Variants in POLR2F observed in about 807,000 individuals in gnomAD.
POLR2F encodes the protein RNA polymerase II, I and III subunit F.
POLR2F carries 12 observed loss-of-function variants against 22.7 expected under a neutral mutation model. The observed-to-expected ratio is 0.53, with a 90% confidence interval of 0.34 to 0.86. The LOEUF (loss-of-function observed/expected upper bound fraction) is 0.86, where lower values mean the gene tolerates loss of function less well. Among genes scored for constraint, POLR2F ranks in the 40% least tolerant of loss-of-function variants. The pLI is 0.02. For synonymous variants in POLR2F, 57 were observed against 66.0 expected, an observed-to-expected ratio of 0.86 and a Z score of 0.66; for missense variants, 126 against 171.5, an observed-to-expected ratio of 0.73 and a Z score of 1.48.
intron 5 of POLR2F, among the ~76,000 whole-genome samples, chr22:38,035,576 C>T (rs1161602381): frequency 3.3e-5 from 5 of 152,230 alleles, no homozygotes; most frequent in African/African-American, 7.2e-5. Flanking sequence ...TCCTGCCCAC[C>T]GGCCTCTCTG....
In POLR2F at chr22:37,968,953, A is replaced by C; in HGVS notation, c.*1238A>C. Reference sequence around the variant, plus strand: ...ATCCACCCTCCTCCAAGCCTGTGGAATCCTTTAATCAAGTTGGGTGCTGAA... The same window carrying C: ...ATCCACCCTCCTCCAAGCCTGTGGACTCCTTTAATCAAGTTGGGTGCTGAA... On this transcript the variant is annotated 3_prime_UTR_variant, in exon 5 of 5. Coordinates refer to ENST00000442738, the MANE Select transcript of POLR2F (RefSeq NM_021974.5). The C allele has an allele frequency of 1.0e-6, 1 of 985,458 alleles. No individual in the cohort carries two copies. Among genetic ancestry groups the C allele is most frequent in the Admixed American group, 6.1e-5 (1 of 16,294 alleles). The allele number at this position is 985,458 out of a possible 1,614,324, so 61.0% of individuals were successfully genotyped here. A position where few individuals can be genotyped will look rare whatever the true frequency, so the allele number is the denominator to read the frequency against.
rs1422088901 is a variant in POLR2F, at chr22:37,968,912, T to G, written c.*1197T>G. 1 of 985,284 alleles carries G rather than the reference T, an allele frequency of 1.0e-6. No individual in the cohort carries two copies. Among genetic ancestry groups the G allele is most frequent in the Non-Finnish European group, 1.2e-6 (1 of 829,912 alleles). The allele number at this position is 985,284 out of a possible 1,614,324, so 61.0% of individuals were successfully genotyped here. A position where few individuals can be genotyped will look rare whatever the true frequency, so the allele number is the denominator to read the frequency against. Reference sequence around the variant, plus strand: ...GGAGAAGGGTTAATTCAGGGAGCAGTGGACTTCACACTCCCATCCACCCTC... The same window carrying G: ...GGAGAAGGGTTAATTCAGGGAGCAGGGGACTTCACACTCCCATCCACCCTC... On this transcript the variant is annotated 3_prime_UTR_variant, in exon 5 of 5. Transcript: ENST00000442738.
intron 1 of POLR2F, among the ~76,000 whole-genome samples, chr22:37,995,965 C>T (rs558383660): frequency 6.6e-6 from 1 of 152,276 alleles, no homozygotes; most frequent in South Asian, 2.1e-4. Context: ...CGTGGCACTG[C>T]ACTCTATCCT....
At chr22:38,026,349 CT>C in exon 3 of POLR2F, 1 of 522,836 alleles carries the variant, frequency 1.9e-6, no homozygotes, top group Admixed American at 2.0e-5. Context: ...GGACCCAGCC[CT>C]TTCTCTGCCA....
downstream of POLR2F, chr22:37,973,436 ACAGGGCACACAGG>A (rs1174007084): frequency 8.7e-7 from 1 of 1,155,342 alleles, no homozygotes; most frequent in Non-Finnish European, 1.2e-6. Context: ...TGGGCAAGGA[ACAGGGCACACAGG>A]CTGGGGGCAG....
chr22:37,960,679 A>ACGTGAGCCAC (rs1018133727), intron 3 of POLR2F, among the ~76,000 whole-genome samples: 4 of 147,982 alleles, frequency 2.7e-5, no homozygotes, highest in African/African-American at 1.0e-4. Flanking sequence ...GGGATTACAG[A>ACGTGAGCCAC]CGTGAGCCAC....
intron 5 of POLR2F, among the ~76,000 whole-genome samples, chr22:38,035,890 G>C (rs1323046116): frequency 6.6e-6 from 1 of 152,154 alleles, no homozygotes; most frequent in Non-Finnish European, 1.5e-5. Flanking sequence ...GCTCCAGGGT[G>C]GGTGTGGTTT....
downstream of POLR2F, chr22:37,971,434 C>T (rs879141548): frequency 2.5e-6 from 1 of 393,478 alleles, no homozygotes; most frequent in Non-Finnish European, 5.2e-6. Context: ...TTCCAACCAT[C>T]GGAGTTGTTC....
chr22:38,002,960 C>T (rs748991027), intron 1 of POLR2F, among the ~76,000 whole-genome samples: 5 of 152,006 alleles, frequency 3.3e-5, no homozygotes, highest in African/African-American at 7.2e-5. Flanking sequence ...CTCCTGACCT[C>T]GTGATCTGCT....
At chr22:38,028,298 C>T (rs943013327), downstream of POLR2F, among the ~76,000 whole-genome samples, 4 of 152,138 alleles carry the variant, frequency 2.6e-5, no homozygotes, top group African/African-American at 7.2e-5. Context: ...TGCTGCACGG[C>T]GATGCTTTAG....
chr22:37,963,600 A>G (rs1022319899), intron 3 of POLR2F, among the ~76,000 whole-genome samples: 3 of 152,348 alleles, frequency 2.0e-5, no homozygotes, highest in South Asian at 2.1e-4. Flanking sequence ...ACTGGTTACC[A>G]TAAAGGATAG....
chr22:38,016,204 C>G lies in POLR2F; in HGVS notation c.121-9665C>G, dbSNP rs1284956025. On this transcript the variant is annotated intron_variant, in intron 1 of 2. Transcript: ENST00000333418. This position sits in a 1 kb window ranked among gnomAD's most constrained non-coding sequence, Gnocchi z 4.4. Reference sequence around the variant, plus strand: ...ATCTGTTTTGCCCTGAAAGGCACAGCTGGGCCAAAGCCTGGGGTCATCATC... The same window carrying G: ...ATCTGTTTTGCCCTGAAAGGCACAGGTGGGCCAAAGCCTGGGGTCATCATC... 1.3e-5 allele frequency among the ~76,000 whole-genome samples: 2 copies of G among 152,234 alleles called. No individual in the cohort carries two copies. The highest frequency in any genetic ancestry group is 2.9e-5 in the Non-Finnish European group (2 of 68,034).
rs1197527618 is a variant in POLR2F, at chr22:38,016,805, C to T, written c.121-9064C>T. On this transcript the variant is annotated intron_variant, in intron 1 of 2. Transcript: ENST00000333418. The surrounding 1 kb of genome is among the most constrained non-coding windows in gnomAD (Gnocchi z 4.4). ...GCGCTTTTTGTTTCTACTGTAATGACATGTTGGAATAGAGAGAGAGAGAGA... is the reference window on the plus strand; with the variant it reads ...GCGCTTTTTGTTTCTACTGTAATGATATGTTGGAATAGAGAGAGAGAGAGA... Among the ~76,000 whole-genome samples the T allele has an allele frequency of 2.0e-5, 3 of 149,224 alleles. No homozygotes were observed. Among genetic ancestry groups the T allele is most frequent in the Non-Finnish European group, 4.4e-5 (3 of 67,444 alleles).
chr22:38,026,651 A>C (rs1023337271), exon 3 of POLR2F: 1 of 265,014 alleles, frequency 3.8e-6, no homozygotes, highest in Non-Finnish European at 7.5e-6. Context: ...GGTGTTTTAG[A>C]GAAATACATT....
At chr22:38,026,111 C>A (rs1353764444) in exon 2 of POLR2F, 3 of 533,702 alleles carry the variant, frequency 5.6e-6, no homozygotes, top group Admixed American at 1.9e-5. Context: ...CTGCCTGGAT[C>A]CCCCACTGCC....
chr22:38,031,489 G>A (rs1243362710), downstream of POLR2F, among the ~76,000 whole-genome samples: 5 of 152,052 alleles, frequency 3.3e-5, no homozygotes, highest in East Asian at 7.7e-4. This position sits in a 1 kb window ranked among gnomAD's most constrained non-coding sequence, Gnocchi z 4.1. Flanking sequence ...CCTAAGTGTG[G>A]GGACTGGGTC....
At chr22:38,000,090 C>T (rs2084755254) in intron 1 of POLR2F, among the ~76,000 whole-genome samples, 1 of 152,206 alleles carries the variant, frequency 6.6e-6, no homozygotes, top group Non-Finnish European at 1.5e-5. Flanking sequence ...ATTTCCATAT[C>T]TGGTGACTCA....
chr22:37,991,772 C>T (rs984560858), intron 1 of POLR2F, among the ~76,000 whole-genome samples: 5 of 152,134 alleles, frequency 3.3e-5, no homozygotes, highest in Non-Finnish European at 7.3e-5. Flanking sequence ...AGTGTCAGGC[C>T]AGGGAAGCAG....
chr22:37,972,534 A>T, downstream of POLR2F: 1 of 285,990 alleles, frequency 3.5e-6, no homozygotes, highest in Non-Finnish European at 6.9e-6. Context: ...CAGAATGTAC[A>T]GGTCAGGATT....
Sources: gnomAD v4.1 joint callset for allele counts (sites outside exome capture counted in the v4.1 genomes callset) on GRCh38, gnomAD v4.1.1 for gene constraint, Gnocchi (gnomAD v3.1) non-coding constraint, MANE v1.5 for transcripts, NCBI Gene and HGNC (gene_info 2026-07-23, HGNC 2026-07-21) for gene names.